ART5: variants seen among roughly 807,000 people sequenced by gnomAD.
ART5 encodes ecto-ADP-ribosyltransferase 5.
In ART5, 22 loss-of-function variants were observed where a neutral mutation model predicts 25.0. The ratio of observed to expected loss-of-function variants is 0.88; its 90% CI spans 0.63 to 1.26. The LOEUF is 1.26. Ranked by LOEUF, ART5 falls within the 50% of genes most tolerant of loss-of-function variation. The pLI is 0.00. For synonymous variants in ART5, 161 were observed against 154.8 expected (o/e 1.04, Z -0.30); for missense variants, 402 against 372.8 (o/e 1.08, Z -0.64).
chr11:3,642,215 G>A, upstream of ART5: 3 of 1,157,554 alleles, frequency 2.6e-6, no homozygotes, highest in African/African-American at 1.6e-5. Context: ...AGGGAGCGCC[G>A]AGGGCTCTGG....
rs753040292 is a variant in ART5, at chr11:3,639,807, C to T, written c.622G>A (p.Ala208Thr). 63 of 1,614,082 alleles carry T rather than the reference C, an allele frequency of 3.9e-5. No homozygotes were observed. The South Asian group carries it at 5.8e-4, about 15-fold the overall frequency. ...AAGACAGAGAAGGCCTGTATAGGGG[C>T]CCCAAAGCAAGTTGTTAGAGAGAAG... Reference protein sequence around the residue: ...TLFSLTTCFGAPIQAFSVFPK... With the variant: ...TLFSLTTCFGTPIQAFSVFPK... The change falls in exon 2 of 4, where the codon GCC becomes ACC. Residue 208 changes from alanine (A) to threonine (T), a missense_variant. By Grantham distance (58) the Ala-to-Thr change is moderately conservative. Transcript: ENST00000397068.
upstream of ART5, chr11:3,642,316 C>T (rs1292562514): frequency 2.2e-5 from 22 of 1,003,322 alleles, no homozygotes; most frequent in Non-Finnish European, 2.6e-5. Context: ...GGTAACCCGA[C>T]ACCCCTTTCC....
chr11:3,639,971 C>A lies in ART5; in HGVS notation c.458G>T (p.Gly153Val), dbSNP rs772733690. Residue 153 changes from glycine (G) to valine (V), a missense_variant, in exon 2 of 4, where the codon GGA becomes GTA. By Grantham distance (109) the Gly-to-Val change is moderately radical. Transcript: ENST00000397068. ...ACCTCGGAACACCACCTCCCCAGGT[C>A]CCCTGCTGCAGCCCCCACTGCCTCG... is the stretch of plus-strand genomic sequence containing the variant. ...LLRGSGGCSRGPGEVVFRGVG... is the reference protein window; with the variant it reads ...LLRGSGGCSRVPGEVVFRGVG... 3 of 1,614,056 alleles carry A rather than the reference C, an allele frequency of 1.9e-6. No homozygotes were observed. Among genetic ancestry groups the A allele is most frequent in the African/African-American group, 1.3e-5 (1 of 74,940 alleles).
chr11:3,640,500 T>C, intron 1 of ART5, 129 bp from the exon 2 acceptor site: 13 of 1,229,024 alleles, frequency 1.1e-5, no homozygotes, highest in Non-Finnish European at 1.3e-5. Flanking sequence ...TATATGCAAT[T>C]TGGCAAGGGC....
Position 3,639,944 on chromosome 11 carries a change from A to T in ART5, c.485T>A (p.Val162Glu). 1 of 1,614,116 alleles carries T rather than the reference A, an allele frequency of 6.2e-7. No homozygotes were observed. Among genetic ancestry groups the T allele is most frequent in the Non-Finnish European group, 8.5e-7 (1 of 1,180,002 alleles). Residue 162 changes from valine to glutamate, a missense_variant, in exon 2 of 4, where the codon GTG becomes GAG. By Grantham distance (121) the Val-to-Glu change is moderately radical. Coordinates refer to ENST00000397068, the MANE Select transcript of ART5 (RefSeq NM_053017.5). ...RGPGEVVFRGVGSLRFEPKRL... is the reference protein window; with the variant it reads ...RGPGEVVFRGEGSLRFEPKRL... ...CTTGGGTTCAAAGCGAAGGCTGCCC[A>T]CACCTCGGAACACCACCTCCCCAGG...
chr11:3,641,933 AG>A lies in ART5; in HGVS notation c.-72del. On this transcript the variant is annotated 5_prime_UTR_variant, in exon 1 of 4. Coordinates refer to ENST00000397068, the MANE Select transcript of ART5 (RefSeq NM_053017.5). ...CAGAGGTGCTGGAGTCCTGGTTTCG[AG>A]GGGCTGGAGGCAGATCTGGACCCTG... The A allele has an allele frequency of 1.3e-6, 2 of 1,537,726 alleles. No homozygotes were observed. The highest frequency in any genetic ancestry group is 2.4e-5 in the South Asian group (2 of 83,880).
intron 1 of ART5, among the ~76,000 whole-genome samples, chr11:3,640,607 T>C (rs2077382224): frequency 7.0e-6 from 1 of 141,896 alleles, no homozygotes; most frequent in Non-Finnish European, 1.5e-5. Context: ...TCTTGCTCTG[T>C]TGCCCAGGCT....
chr11:3,642,125 G>A (rs1216617010), upstream of ART5: 2 of 1,330,670 alleles, frequency 1.5e-6, no homozygotes, highest in Non-Finnish European at 1.9e-6. Flanking sequence ...TGTAAAGGCG[G>A]GGCCGCAGTT....
chr11:3,642,263 G>C, upstream of ART5: 1 of 1,056,904 alleles, frequency 9.5e-7, no homozygotes, highest in Non-Finnish European at 1.1e-6. Flanking sequence ...CCGGAGTCCG[G>C]CTGAAAGCAA....
At chr11:3,640,431 G>T (rs2077379402) in intron 1 of ART5, 60 bp from the exon 2 acceptor site, 2 of 1,506,750 alleles carry the variant, frequency 1.3e-6, no homozygotes, top group Non-Finnish European at 1.8e-6. Flanking sequence ...CTGGACATGG[G>T]TCCTGGGGGC....
Position 3,639,678 on chromosome 11 carries a change from G to T in ART5, c.751C>A (p.Gln251Lys), listed in dbSNP as rs755213415. ...QSLVTLWSYN[Q>K]TCSHFNCAYL... ...GCGCAGTTAAAATGGCTACAGGTCT[G>T]ATTATAGCTCCAGAGAGTCACCAAG... Residue 251 changes from glutamine to lysine, a missense_variant, in exon 2 of 4, where the codon CAG (glutamine) becomes AAG (lysine). Transcript: ENST00000397068. The T allele has an allele frequency of 1.4e-5, 22 of 1,613,726 alleles. No individual in the cohort carries two copies. The highest frequency in any genetic ancestry group is 2.2e-5 in the South Asian group (2 of 91,066).
chr11:3,642,262 G>A (rs1474174465), upstream of ART5: 32 of 1,058,276 alleles, frequency 3.0e-5, no homozygotes, highest in Admixed American at 9.8e-5. Flanking sequence ...TCCGGAGTCC[G>A]GCTGAAAGCA....
chr11:3,639,287 G>C (rs73426311), intron 2 of ART5, among the ~76,000 whole-genome samples: 1 of 152,008 alleles, frequency 6.6e-6, no homozygotes, highest in Non-Finnish European at 1.5e-5. Context: ...TGGCACATAC[G>C]TGCCCTGTCA....
chr11:3,639,952 G>T lies in ART5; in HGVS notation c.477C>A (p.Phe159Leu), dbSNP rs1423996882. The change falls in exon 2 of 4, where the codon TTC becomes TTA. Residue 159 changes from phenylalanine (F) to leucine (L), a missense_variant. Coordinates refer to ENST00000397068, the MANE Select transcript of ART5 (RefSeq NM_053017.5). ...CAAAGCGAAGGCTGCCCACACCTCG[G>T]AACACCACCTCCCCAGGTCCCCTGC... The part of the protein sequence containing the change: ...GCSRGPGEVV[F>L]RGVGSLRFEP... The T allele has an allele frequency of 1.2e-6, 2 of 1,614,124 alleles. No homozygotes were observed. Among genetic ancestry groups the T allele is most frequent in the South Asian group, 2.2e-5 (2 of 91,082 alleles).
rs1351176521 is a variant in ART5 at position 3,640,364 on chromosome 11, G to C, written c.65C>G (p.Ala22Gly). 5.2e-6 allele frequency: 8 copies of C among 1,548,898 alleles called. No homozygotes were observed. Among genetic ancestry groups the C allele is most frequent in the Non-Finnish European group, 7.0e-6 (8 of 1,145,592 alleles). Residue 22 changes from alanine (A) to glycine (G), a missense_variant, in exon 2 of 4, where the codon GCT (alanine) becomes GGT (glycine). Transcript: ENST00000397068. Reference protein sequence around the residue: ...SLGLHTWQAQAVPILPLGLAP... With the variant: ...SLGLHTWQAQGVPILPLGLAP... ...CAGGCCCAGGGGCAGGATGGGAACA[G>C]CCTGGGCCTGTGGAGCAAAAGAGGT... is the stretch of plus-strand genomic sequence containing the variant.
At chr11:3,640,476 C>T (rs1217930159) in intron 1 of ART5, 105 bp from the exon 2 acceptor site, 1 of 1,370,222 alleles carries the variant, frequency 7.3e-7, no homozygotes, top group African/African-American at 1.5e-5. Flanking sequence ...TCATTTCTAT[C>T]CCTAAATATC....
intron 2 of ART5, 128 bp downstream of exon 2, chr11:3,639,514 C>G: frequency 7.3e-7 from 1 of 1,376,304 alleles, no homozygotes; most frequent in Non-Finnish European, 9.8e-7. Flanking sequence ...GCAACTCCAG[C>G]TGACTTCCAG....
At chr11:3,640,643 C>T (rs6578407) in intron 1 of ART5, among the ~76,000 whole-genome samples, 1 of 149,294 alleles carries the variant, frequency 6.7e-6, no homozygotes, top group South Asian at 2.1e-4. Flanking sequence ...GATCTCGGCT[C>T]ACTGCAAGCG....
At position 3,640,037 on chromosome 11, in the gene ART5, TTGAAGGGAAAGTGCC is replaced by T. The variant is rs776431527; in HGVS notation, c.377_391del (p.Arg126_Phe130del). On this transcript the variant is annotated inframe_deletion, in exon 2 of 4. Coordinates refer to ENST00000397068, the MANE Select transcript of ART5 (RefSeq NM_053017.5). Reference sequence around the variant, plus strand: ...CCGGATCAGGTAGAAATGCAGGGCCTTGAAGGGAAAGTGCCTCATGTAGAGCTCCCGGGAGCCTCC... The same window carrying T: ...CCGGATCAGGTAGAAATGCAGGGCCTTCATGTAGAGCTCCCGGGAGCCTCC... 2.5e-6 allele frequency: 4 copies of T among 1,614,146 alleles called. No individual in the cohort carries two copies. In the South Asian group the frequency reaches 4.4e-5, roughly 18 times the overall value.
Sources: allele counts gnomAD v4.1 joint callset (sites outside exome capture counted in the v4.1 genomes callset), GRCh38; gene constraint gnomAD v4.1.1; transcripts MANE v1.5; gene names NCBI Gene and HGNC (gene_info 2026-07-23, HGNC 2026-07-21).